Variants in BPNT2 observed in about 807,000 individuals in gnomAD.
BPNT2 encodes the protein 3'(2'), 5'-bisphosphate nucleotidase 2, also known as Golgi-resident adenosine 3',5'-bisphosphate 3'-phosphatase.
Under a neutral mutation model 29.3 loss-of-function variants are expected in BPNT2, and 11 were observed. The observed-to-expected ratio is 0.38, with a 90% confidence interval of 0.24 to 0.62. The LOEUF (loss-of-function observed/expected upper bound fraction) is 0.62, where lower values mean the gene tolerates loss of function less well. Ranked by LOEUF, BPNT2 falls within the 20% of genes least tolerant of loss-of-function variation. The probability of loss-of-function intolerance (pLI) is 0.62; values close to 1 mark genes in which losing one functional copy is unlikely to be tolerated. For missense variants in BPNT2, 459 were observed against 473.4 expected (o/e 0.97, Z 0.28); for synonymous variants, 195 against 187.7 (o/e 1.04, Z -0.32).
intron 1 of BPNT2, among the ~76,000 whole-genome samples, chr8:56,991,932 A>G (rs1268220671): frequency 6.6e-6 from 1 of 152,190 alleles, no homozygotes; most frequent in African/African-American, 2.4e-5. Context: ...AAGAAGAAAA[A>G]GTGGAAATAT....
intron 1 of BPNT2, among the ~76,000 whole-genome samples, chr8:56,990,031 G>C (rs1354060173): frequency 1.3e-5 from 2 of 152,180 alleles, no homozygotes; most frequent in Non-Finnish European, 2.9e-5. Context: ...GTACCACCTA[G>C]GCTGGTGACT....
chr8:56,965,755 T>C (rs16921483), intron 4 of BPNT2, among the ~76,000 whole-genome samples: 21,072 of 151,970 alleles, frequency 0.14, 1,710 homozygotes, highest in African/African-American at 0.2. Flanking sequence ...GGTTAAAGAG[T>C]TCAGGGGTGT....
intron 1 of BPNT2, among the ~76,000 whole-genome samples, chr8:56,982,155 C>G (rs1388723768): frequency 6.7e-6 from 1 of 148,564 alleles, no homozygotes; most frequent in Admixed American, 6.7e-5. Context: ...GACGGAGTCT[C>G]GCTCTGTCAC....
intron 4 of BPNT2, among the ~76,000 whole-genome samples, chr8:56,964,932 A>C (rs1805914712): frequency 6.6e-6 from 1 of 152,202 alleles, no homozygotes; most frequent in Non-Finnish European, 1.5e-5. Context: ...ACTTTTCCTA[A>C]CCAACCTAAC....
At chr8:56,967,212 T>TA (rs1423155063) in intron 3 of BPNT2, 1 of 456,196 alleles carries the variant, frequency 2.2e-6, no homozygotes, top group African/African-American at 2.0e-5. Context: ...CACCAGCTTA[T>TA]TTCTGGCTGC....
intron 4 of BPNT2, 73 bp from the exon 5 acceptor site, chr8:56,964,137 T>A: frequency 8.9e-7 from 1 of 1,128,902 alleles, no homozygotes; most frequent in Non-Finnish European, 1.3e-6. Flanking sequence ...TTTGATTAAG[T>A]ATCCTGTTAA....
chr8:56,965,544 T>A (rs1224785626), intron 4 of BPNT2, among the ~76,000 whole-genome samples: 2 of 152,194 alleles, frequency 1.3e-5, no homozygotes, highest in Admixed American at 6.5e-5. Context: ...AAGATGAGAA[T>A]CTTTAAAAAA....
chr8:56,982,468 T>C (rs921315350), intron 1 of BPNT2, among the ~76,000 whole-genome samples: 1 of 152,220 alleles, frequency 6.6e-6, no homozygotes, highest in Non-Finnish European at 1.5e-5. Context: ...ATTCAATTTA[T>C]TCACTTATGT....
chr8:56,966,304 T>C lies in BPNT2; in HGVS notation c.695A>G (p.Tyr232Cys). ...GGSNVKARSS[Y>C]NEKTPRIVVS... ...AACGATCCTTGGGGTCTTCTCATTG[T>C]AGGAAGAGCGGGCTTTCACATTTGA... The change falls in exon 4 of 5, where the codon TAC becomes TGC. Residue 232 changes from tyrosine (Y) to cysteine (C), a missense_variant. Coordinates refer to ENST00000262644, the MANE Select transcript of BPNT2 (RefSeq NM_017813.5). 6 of 1,614,012 alleles carry C rather than the reference T, an allele frequency of 3.7e-6. No individual in the cohort carries two copies. The highest frequency in any genetic ancestry group is 5.1e-6 in the Non-Finnish European group (6 of 1,179,898).
At chr8:56,978,011 A>G in intron 3 of BPNT2, 39 bp downstream of exon 3, 1 of 1,202,978 alleles carries the variant, frequency 8.3e-7, no homozygotes, top group Non-Finnish European at 1.2e-6. Context: ...CAAACAGTTC[A>G]ATAACAATAA....
intron 3 of BPNT2, among the ~76,000 whole-genome samples, chr8:56,971,788 C>CCCCA (rs1554539133): frequency 6.9e-6 from 1 of 145,274 alleles, no homozygotes; most frequent in Non-Finnish European, 1.5e-5. Context: ...TACCACCCCC[C>CCCCA]CCCCCACAAT....
intron 3 of BPNT2, among the ~76,000 whole-genome samples, chr8:56,971,955 C>T (rs1265841388): frequency 2.6e-5 from 4 of 151,688 alleles, no homozygotes; most frequent in South Asian, 2.1e-4. Context: ...ATTAGCCGGG[C>T]GTGGTGTCAG....
chr8:56,976,532 C>A (rs964135414), intron 3 of BPNT2, among the ~76,000 whole-genome samples: 1 of 152,004 alleles, frequency 6.6e-6, no homozygotes, highest in African/African-American at 2.4e-5. Flanking sequence ...GCTTATCAAA[C>A]CATCAACTTT....
At chr8:56,987,024 AGGCT>A (rs1806337189) in intron 1 of BPNT2, among the ~76,000 whole-genome samples, 1 of 152,208 alleles carries the variant, frequency 6.6e-6, no homozygotes, top group African/African-American at 2.4e-5. Flanking sequence ...AAGTGTATTT[AGGCT>A]AGTCTTTTAA....
rs1035397974 is a variant in BPNT2 at position 56,966,351 on chromosome 8, A to C, written c.648T>G (p.Ala216=). ...TTGAACCACCATCTACCATTGCCCAAGCTGAAAAGCAAATATAATATCCAT... is the reference window on the plus strand; with the variant it reads ...TTGAACCACCATCTACCATTGCCCACGCTGAAAAGCAAATATAATATCCAT... ...VIHKPFSEYT[A]WAMVDGGSNV... The change falls in exon 4 of 5, where the codon GCT becomes GCG. Residue 216 remains alanine, a splice_region_variant and synonymous_variant. Transcript: ENST00000262644. 1.2e-6 allele frequency: 2 copies of C among 1,613,418 alleles called. No individual in the cohort carries two copies. The highest frequency in any genetic ancestry group is 2.7e-5 in the African/African-American group (2 of 74,992).
chr8:56,977,940 C>T (rs1199792460), intron 3 of BPNT2, 110 bp downstream of exon 3: 20 of 776,186 alleles, frequency 2.6e-5, no homozygotes, highest in African/African-American at 6.8e-5. Context: ...CTTACAGCAG[C>T]CCTAGGAAAC....
chr8:56,962,064 G>A lies in BPNT2; in HGVS notation c.*1729C>T, dbSNP rs1283327885. On this transcript the variant is annotated 3_prime_UTR_variant, in exon 5 of 5. Coordinates refer to ENST00000262644, the MANE Select transcript of BPNT2 (RefSeq NM_017813.5). ...GAAAGTTTCTTCAGCTTATTGCAAAGGAAAAAAATGAGGTCTCTGATACTC... is the reference window on the plus strand; with the variant it reads ...GAAAGTTTCTTCAGCTTATTGCAAAAGAAAAAAATGAGGTCTCTGATACTC... 1 of 151,872 alleles carries A rather than the reference G, an allele frequency of 6.6e-6. No homozygotes were observed. The highest frequency in any genetic ancestry group is 1.9e-4 in the East Asian group (1 of 5,182). The allele number at this position is 151,872 out of a possible 1,614,324, so 9.4% of individuals were successfully genotyped here.
intron 1 of BPNT2, 82 bp from the exon 2 acceptor site, chr8:56,980,279 A>T: frequency 1.9e-6 from 2 of 1,050,490 alleles, no homozygotes; most frequent in Non-Finnish European, 3.0e-6. Flanking sequence ...TTCAGACAAC[A>T]ATCACCCAAA....
In BPNT2 at chr8:56,963,233, A is replaced by T. The variant is rs2129203137; in HGVS notation, c.*560T>A. 6.5e-6 allele frequency: 1 copy of T among 152,930 alleles called. No homozygotes were observed. Among genetic ancestry groups the T allele is most frequent in the South Asian group, 2.1e-4 (1 of 4,832 alleles). The allele number at this position is 152,930 out of a possible 1,614,324, so 9.5% of individuals were successfully genotyped here. A position where few individuals can be genotyped will look rare whatever the true frequency, so the allele number is the denominator to read the frequency against. ...ACCTGTTATTAAAATTTAAAAGAAAAAATCAATTAAACTTTTTCTATTTTA... is the reference window on the plus strand; with the variant it reads ...ACCTGTTATTAAAATTTAAAAGAAATAATCAATTAAACTTTTTCTATTTTA... On this transcript the variant is annotated 3_prime_UTR_variant, in exon 5 of 5. Coordinates refer to ENST00000262644, the MANE Select transcript of BPNT2 (RefSeq NM_017813.5).
Sources: gnomAD v4.1 joint callset for allele counts (sites outside exome capture counted in the v4.1 genomes callset) on GRCh38, gnomAD v4.1.1 for gene constraint, MANE v1.5 for transcripts, NCBI Gene and HGNC (gene_info 2026-07-23, HGNC 2026-07-21) for gene names.